The following RAB4A variants were observed in gnomAD, a reference collection of about 807,000 sequenced individuals.
The protein encoded by RAB4A is RAB4A, member RAS oncogene family, also known as ras-related protein Rab-4A.
A neutral mutation model predicts 34.5 loss-of-function variants in RAB4A; 20 were observed. The ratio of observed to expected loss-of-function variants is 0.58; its 90% CI spans 0.41 to 0.84. RAB4A has a LOEUF of 0.84. RAB4A is among the 40% of genes least tolerant of loss of function. RAB4A has a pLI of 0.00. For missense variants in RAB4A, 228 were observed against 274.5 expected (o/e 0.83, Z 1.20); for synonymous variants, 102 against 100.0 (o/e 1.02, Z -0.12).
intron 5 of RAB4A, among the ~76,000 whole-genome samples, chr1:229,297,987 T>G (rs538518872): frequency 9.2e-5 from 14 of 152,276 alleles, no homozygotes; most frequent in African/African-American, 2.9e-4. Flanking sequence ...TGAAGGAAAT[T>G]TGGTGAAATA....
Position 229,295,925 on chromosome 1 carries a change from C to G in RAB4A, c.290+15C>G, listed in dbSNP as rs375101002. On this transcript the variant is annotated intron_variant, in intron 4 of 7. Coordinates refer to ENST00000366690, the MANE Select transcript of RAB4A (RefSeq NM_004578.4). ...GATATCACCAGGTAATGCCAGCTCC[C>G]CCTGGTGAAGGAGGGTGCTCAGTGC... 1.2e-6 allele frequency: 2 copies of G among 1,613,702 alleles called. No homozygotes were observed. Among genetic ancestry groups the G allele is most frequent in the Non-Finnish European group, 1.7e-6 (2 of 1,179,792 alleles).
intron 1 of RAB4A, among the ~76,000 whole-genome samples, chr1:229,276,117 T>C (rs768167847): frequency 2.6e-5 from 4 of 151,482 alleles, no homozygotes; most frequent in Non-Finnish European, 5.9e-5. Flanking sequence ...TATACATGTT[T>C]GTCATTTTCT....
At chr1:229,280,870 A>G (rs1558235673) in intron 1 of RAB4A, among the ~76,000 whole-genome samples, 1 of 152,220 alleles carries the variant, frequency 6.6e-6, no homozygotes, top group Non-Finnish European at 1.5e-5. Context: ...TATAAATGGA[A>G]TCTTGCAGTT....
chr1:229,296,608 G>T (rs1003289992), intron 4 of RAB4A, among the ~76,000 whole-genome samples: 1 of 152,224 alleles, frequency 6.6e-6, no homozygotes, highest in Non-Finnish European at 1.5e-5. Flanking sequence ...ACATTCAGCA[G>T]TGCTGATCTC....
chr1:229,294,830 A>G (rs1049155342), intron 3 of RAB4A, among the ~76,000 whole-genome samples: 4 of 152,196 alleles, frequency 2.6e-5, no homozygotes, highest in African/African-American at 9.7e-5. Flanking sequence ...CTCTGTCTCA[A>G]AAAAGACAGT....
intron 1 of RAB4A, among the ~76,000 whole-genome samples, chr1:229,275,015 C>T (rs1456355262): frequency 1.3e-5 from 2 of 152,138 alleles, no homozygotes; most frequent in African/African-American, 4.8e-5. Flanking sequence ...TGAGAATTAT[C>T]AGAATATTTT....
chr1:229,296,267 TC>T (rs1657248679), intron 4 of RAB4A, among the ~76,000 whole-genome samples: 1 of 152,200 alleles, frequency 6.6e-6, no homozygotes, highest in Non-Finnish European at 1.5e-5. Context: ...GGACACAGAC[TC>T]TGGGCTGAGA....
chr1:229,273,578 A>G (rs570091735), intron 1 of RAB4A, among the ~76,000 whole-genome samples: 7 of 152,310 alleles, frequency 4.6e-5, no homozygotes, highest in African/African-American at 1.7e-4. Flanking sequence ...CAGCCCTATT[A>G]AAAATACAAA....
At chr1:229,288,968 A>G (rs1000249294) in intron 3 of RAB4A, 125 bp downstream of exon 3, 6 of 660,940 alleles carry the variant, frequency 9.1e-6, no homozygotes, top group Non-Finnish European at 1.6e-5. Context: ...AATCTCAGAA[A>G]CTTCATTTTT....
At chr1:229,290,232 C>G (rs1657033311) in intron 3 of RAB4A, among the ~76,000 whole-genome samples, 1 of 152,128 alleles carries the variant, frequency 6.6e-6, no homozygotes, top group Non-Finnish European at 1.5e-5. Context: ...GAGGTTCAGT[C>G]TTTTACGTTG....
intron 1 of RAB4A, among the ~76,000 whole-genome samples, chr1:229,281,475 T>G (rs961839953): frequency 6.6e-6 from 1 of 152,130 alleles, no homozygotes; most frequent in Non-Finnish European, 1.5e-5. Context: ...TGATTAATGT[T>G]TGTATGATAC....
chr1:229,303,136 G>T lies in RAB4A; in HGVS notation c.*12+147G>T, dbSNP rs549736459. 56 of 591,192 alleles carry T rather than the reference G, an allele frequency of 9.5e-5. 1 individual carries two copies. The South Asian group carries it at 1.1e-3, about 12-fold the overall frequency. 36.6% of individuals were successfully genotyped at this position (591,192 alleles called of 1,614,324 possible). On this transcript the variant is annotated intron_variant, in intron 7 of 7. Transcript: ENST00000366690. ...TCCAGCACTTTGGGAGGCTGAGGTGGGCCAGTTGCTTTAGTTCAGGAGTTC... is the reference window on the plus strand; with the variant it reads ...TCCAGCACTTTGGGAGGCTGAGGTGTGCCAGTTGCTTTAGTTCAGGAGTTC...
intron 1 of RAB4A, among the ~76,000 whole-genome samples, chr1:229,284,369 A>T (rs1042186167): frequency 3.3e-5 from 5 of 151,822 alleles, no homozygotes; most frequent in Non-Finnish European, 5.9e-5. Context: ...AAGTGCTGGG[A>T]TTTACAGGCA....
chr1:229,303,372 G>A (rs1657468078), intron 7 of RAB4A, among the ~76,000 whole-genome samples: 1 of 151,482 alleles, frequency 6.6e-6, no homozygotes, highest in Non-Finnish European at 1.5e-5. Context: ...AAAAAAAAAA[G>A]AGAAGGAGAA....
chr1:229,273,484 A>G (rs1245568498), intron 1 of RAB4A, among the ~76,000 whole-genome samples: 2 of 152,272 alleles, frequency 1.3e-5, no homozygotes, highest in East Asian at 1.9e-4. Flanking sequence ...TCACGCCTGT[A>G]ATCCCAGCAC....
At chr1:229,284,592 A>G (rs1285692248) in intron 1 of RAB4A, among the ~76,000 whole-genome samples, 1 of 152,158 alleles carries the variant, frequency 6.6e-6, no homozygotes, top group East Asian at 1.9e-4. Context: ...GACCTTTGGA[A>G]TCAAGACACC....
intron 2 of RAB4A, among the ~76,000 whole-genome samples, 197 bp from the exon 3 acceptor site, chr1:229,288,532 T>A (rs543499561): frequency 3.9e-5 from 6 of 152,330 alleles, no homozygotes; most frequent in Admixed American, 2.0e-4. Context: ...AATCTTTATG[T>A]CTCTTTGAGA....
chr1:229,299,760 C>G (rs866293534), intron 6 of RAB4A, among the ~76,000 whole-genome samples: 2 of 152,076 alleles, frequency 1.3e-5, no homozygotes, highest in South Asian at 4.2e-4. Context: ...ACCCCTTGCC[C>G]CCCAAGAAAC....
intron 1 of RAB4A, among the ~76,000 whole-genome samples, chr1:229,278,344 C>T (rs1171305396): frequency 6.6e-6 from 1 of 152,196 alleles, no homozygotes; most frequent in Admixed American, 6.5e-5. Context: ...GAGATCATTG[C>T]AGATGTATGG....
Sources: allele counts gnomAD v4.1 joint callset (sites outside exome capture counted in the v4.1 genomes callset), GRCh38; gene constraint gnomAD v4.1.1; transcripts MANE v1.5; gene names NCBI Gene and HGNC (gene_info 2026-07-23, HGNC 2026-07-21).